AGBL1: variants seen among roughly 807,000 people sequenced by gnomAD.
AGBL1 encodes the protein cytosolic carboxypeptidase 4.
A neutral mutation model predicts 118.9 loss-of-function variants in AGBL1; 130 were observed. That is an observed-to-expected ratio of 1.09 (90% confidence interval 0.95 to 1.26). The LOEUF is 1.26. Ranked by LOEUF, AGBL1 falls within the 50% of genes most tolerant of loss-of-function variation. The pLI, the probability that AGBL1 is intolerant of heterozygous loss-of-function variation, is 0.00. For missense variants in AGBL1, 1,584 were observed against 1,298.1 expected (o/e 1.22, Z -3.38); for synonymous variants, 555 against 478.9 (o/e 1.16, Z -2.08).
At chr15:87,016,765 G>T (rs4570805) in intron 24 of AGBL1, among the ~76,000 whole-genome samples, 1 of 152,090 alleles carries the variant, frequency 6.6e-6, no homozygotes, top group South Asian at 2.1e-4. Context: ...CCAGCCAAGG[G>T]AAGTGGTGAG....
intron 22 of AGBL1, among the ~76,000 whole-genome samples, chr15:86,748,347 T>A (rs1054334165): frequency 6.6e-6 from 1 of 151,972 alleles, no homozygotes; most frequent in African/African-American, 2.4e-5. Flanking sequence ...TCTTGTAAAT[T>A]TGTTTCAGTT....
chr15:86,744,862 C>T (rs373716185), intron 22 of AGBL1, among the ~76,000 whole-genome samples: 1 of 152,134 alleles, frequency 6.6e-6, no homozygotes, highest in East Asian at 1.9e-4. Flanking sequence ...CAGTGCTAGA[C>T]CCAGGTGCCA....
chr15:86,171,851 C>T (rs2077420370), intron 5 of AGBL1, among the ~76,000 whole-genome samples: 1 of 152,188 alleles, frequency 6.6e-6, no homozygotes, highest in Non-Finnish European at 1.5e-5. Context: ...CGTGGGATAC[C>T]ACTTAGCCAT....
chr15:86,690,442 C>A (rs970140261), intron 22 of AGBL1, among the ~76,000 whole-genome samples: 1 of 152,108 alleles, frequency 6.6e-6, no homozygotes, highest in Non-Finnish European at 1.5e-5. Context: ...GAAATCCATT[C>A]GTTTTCATTT....
At chr15:86,560,097 T>C (rs1308080329) in intron 21 of AGBL1, among the ~76,000 whole-genome samples, 1 of 152,172 alleles carries the variant, frequency 6.6e-6, no homozygotes, top group African/African-American at 2.4e-5. Context: ...CCCAGTGTAA[T>C]GTGAAGCCCT....
chr15:86,346,492 G>A (rs560914357), intron 17 of AGBL1, among the ~76,000 whole-genome samples: 60 of 151,882 alleles, frequency 4.0e-4, no homozygotes, highest in African/African-American at 1.4e-3. Context: ...GACTACAGGC[G>A]CCCGCCACCA....
intron 5 of AGBL1, among the ~76,000 whole-genome samples, chr15:86,216,148 G>A (rs530656863): frequency 6.6e-5 from 10 of 152,212 alleles, no homozygotes; most frequent in Admixed American, 2.0e-4. Flanking sequence ...ATAGTTTTTA[G>A]TGACTAAGAT....
intron 22 of AGBL1, among the ~76,000 whole-genome samples, chr15:86,790,186 G>A (rs12443107): frequency 0.015 from 2,238 of 152,192 alleles, 110 homozygotes; most frequent in East Asian, 0.13. Context: ...AACTTCAGGT[G>A]AGGAAAGTAC....
At chr15:86,726,081 A>G (rs1169946661) in intron 22 of AGBL1, among the ~76,000 whole-genome samples, 4 of 152,260 alleles carry the variant, frequency 2.6e-5, no homozygotes. Context: ...CATAGGATAT[A>G]ATAGTGCTTG....
At chr15:86,418,150 A>G (rs1207577714) in intron 18 of AGBL1, among the ~76,000 whole-genome samples, 1 of 152,170 alleles carries the variant, frequency 6.6e-6, no homozygotes, top group African/African-American at 2.4e-5. Flanking sequence ...AGAGCTGACA[A>G]GAATTTCTTT....
intron 7 of AGBL1, among the ~76,000 whole-genome samples, chr15:86,249,119 T>C (rs1019552415): frequency 5.3e-5 from 8 of 152,216 alleles, no homozygotes; most frequent in Non-Finnish European, 1.2e-4. Context: ...AGTTTGAGGC[T>C]ACATATGCCC....
intron 17 of AGBL1, among the ~76,000 whole-genome samples, chr15:86,341,101 C>G (rs1354207500): frequency 1.3e-5 from 2 of 152,222 alleles, no homozygotes; most frequent in African/African-American, 4.8e-5. Flanking sequence ...CCCCCTGACA[C>G]TGCAGGTTCC....
chr15:86,816,179 C>G (rs550271639), intron 22 of AGBL1, among the ~76,000 whole-genome samples: 14 of 152,298 alleles, frequency 9.2e-5, no homozygotes, highest in Non-Finnish European at 1.8e-4. Flanking sequence ...GGAACACCCA[C>G]CTTTAGGACA....
chr15:86,967,522 C>A (rs2081066852), intron 23 of AGBL1, among the ~76,000 whole-genome samples: 1 of 152,110 alleles, frequency 6.6e-6, no homozygotes, highest in South Asian at 2.1e-4. Flanking sequence ...AGGAAGGGAT[C>A]CAGTTTCAGC....
At chr15:86,580,169 A>G (rs1402334601) in intron 21 of AGBL1, among the ~76,000 whole-genome samples, 1 of 152,070 alleles carries the variant, frequency 6.6e-6, no homozygotes, top group Non-Finnish European at 1.5e-5. Context: ...TCTAACATAT[A>G]CTCATTACTG....
intron 6 of AGBL1, among the ~76,000 whole-genome samples, chr15:86,230,734 T>A (rs2078442244): frequency 6.6e-6 from 1 of 152,248 alleles, no homozygotes; most frequent in Non-Finnish European, 1.5e-5. Flanking sequence ...CATTTTTAAT[T>A]GAAAAGTTAA....
At chr15:86,762,002 A>C (rs2141273091) in intron 22 of AGBL1, among the ~76,000 whole-genome samples, 1 of 152,194 alleles carries the variant, frequency 6.6e-6, no homozygotes, top group Admixed American at 6.6e-5. Context: ...TCTTGAGTTA[A>C]TGTGGCACAT....
intron 18 of AGBL1, among the ~76,000 whole-genome samples, chr15:86,521,323 C>T (rs1407902972): frequency 6.6e-6 from 1 of 152,186 alleles, no homozygotes; most frequent in Non-Finnish European, 1.5e-5. Context: ...TCTGATTCTG[C>T]ATATGAATGC....
Position 86,638,355 on chromosome 15 carries a change from A to T in AGBL1, c.2995-35918A>T, listed in dbSNP as rs543092470. Among the ~76,000 whole-genome samples the T allele has an allele frequency of 7.9e-5, 12 of 152,314 alleles. No individual in the cohort carries two copies. The East Asian group carries it at 2.3e-3, about 29-fold the overall frequency. On this transcript the variant is annotated intron_variant, in intron 21 of 22. Coordinates refer to ENST00000614907, the MANE Select transcript of AGBL1 (RefSeq NM_001386094.1). ...GTGTGGGATCTGGCTCTTTGTAATG[A>T]TCTTCCAAGGAAGCGATGTGCTGCA...
Sources: gnomAD v4.1 joint callset for allele counts (sites outside exome capture counted in the v4.1 genomes callset) on GRCh38, gnomAD v4.1.1 for gene constraint, MANE v1.5 for transcripts, NCBI Gene and HGNC (gene_info 2026-07-23, HGNC 2026-07-21) for gene names.